Variants in PKHD1 observed in about 807,000 individuals in gnomAD.
The protein encoded by PKHD1 is PKHD1 ciliary IPT domain containing fibrocystin/polyductin.
In PKHD1, 291 loss-of-function variants were observed where a neutral mutation model predicts 412.0. The ratio of observed to expected loss-of-function variants is 0.71; its 90% CI spans 0.64 to 0.78. The LOEUF (loss-of-function observed/expected upper bound fraction) is 0.78, where lower values mean the gene tolerates loss of function less well. Among genes scored for constraint, PKHD1 ranks in the 30% least tolerant of loss-of-function variants. The pLI is 0.00. For synonymous variants in PKHD1, 1,777 were observed against 1,821.5 expected, an observed-to-expected ratio of 0.98 and a Z score of 0.62; for missense variants, 4,825 against 4,950.7, an observed-to-expected ratio of 0.97 and a Z score of 0.76.
chr6:52,073,327 G>A (rs1453706493), intron 7 of PKHD1, 136 bp downstream of exon 7: 7 of 761,252 alleles, frequency 9.2e-6, no homozygotes, highest in Admixed American at 8.8e-5. Flanking sequence ...AGCTCATGAG[G>A]GACCATAAAC....
intron 60 of PKHD1, among the ~76,000 whole-genome samples, chr6:51,708,741 A>G (rs909137542): frequency 6.6e-6 from 1 of 152,196 alleles, no homozygotes; most frequent in Non-Finnish European, 1.5e-5. Flanking sequence ...CTCAACCTCC[A>G]TATCACTTGC....
rs751691928 is a variant in PKHD1, at chr6:51,934,232, G to T, written c.5999C>A (p.Ser2000Tyr). ...TCTGCCTTGGAAGGGCTTGTCTTCG[G>T]ATCCAATCCGGAGCTCTCCACCATC... ...VSDGGELRIGSEDKPFQGRAQ... is the reference protein window; with the variant it reads ...VSDGGELRIGYEDKPFQGRAQ... The change falls in exon 37 of 67, where the codon TCC becomes TAC. Residue 2000 changes from serine to tyrosine, a missense_variant. Physicochemically the swap from Ser to Tyr is moderately radical, Grantham distance 144. Transcript: ENST00000371117. 4 of 1,613,634 alleles carry T rather than the reference G, an allele frequency of 2.5e-6. No individual in the cohort carries two copies. In the African/African-American group the frequency reaches 4.0e-5, roughly 16 times the overall value.
chr6:51,646,821 G>A (rs1770139686), intron 63 of PKHD1, among the ~76,000 whole-genome samples: 1 of 152,114 alleles, frequency 6.6e-6, no homozygotes, highest in Admixed American at 6.5e-5. Context: ...TCCCTTGCCT[G>A]GCCTTTTGCA....
At chr6:51,758,082 A>C (rs1035539472) in intron 55 of PKHD1, among the ~76,000 whole-genome samples, 5 of 151,370 alleles carry the variant, frequency 3.3e-5, no homozygotes, top group African/African-American at 9.7e-5. Context: ...AAAAATCACT[A>C]TCTAAACCCC....
chr6:51,951,466 G>T (rs550951098), intron 36 of PKHD1, among the ~76,000 whole-genome samples: 3 of 151,970 alleles, frequency 2.0e-5, no homozygotes, highest in Admixed American at 6.6e-5. Context: ...TCTCATTTTT[G>T]ACCAGCCTGC....
At chr6:51,731,926 T>C (rs1783286804) in intron 60 of PKHD1, among the ~76,000 whole-genome samples, 2 of 152,186 alleles carry the variant, frequency 1.3e-5, no homozygotes, top group African/African-American at 4.8e-5. Context: ...AATGTTTATA[T>C]GTGATTCTAC....
intron 60 of PKHD1, among the ~76,000 whole-genome samples, chr6:51,733,397 G>A (rs139248929): frequency 0.01 from 1,558 of 151,894 alleles, 24 homozygotes; most frequent in African/African-American, 0.035. Flanking sequence ...AAAATTAGCC[G>A]GGCGTGGTGG....
chr6:52,084,661 G>T (rs1812500294), intron 2 of PKHD1, among the ~76,000 whole-genome samples: 1 of 152,074 alleles, frequency 6.6e-6, no homozygotes, highest in Non-Finnish European at 1.5e-5. Context: ...CTGTTAAACA[G>T]AAAATAAAAA....
Position 51,903,784 on chromosome 6 carries a change from A to G in PKHD1, c.6866-57T>C, listed in dbSNP as rs528952105. 15 of 1,395,864 alleles carry G rather than the reference A, an allele frequency of 1.1e-5. No individual in the cohort carries two copies. The East Asian group carries it at 3.3e-4, about 31-fold the overall frequency. The allele number at this position is 1,395,864 out of a possible 1,614,324, so 86.5% of individuals were successfully genotyped here. ...AACATAATTAAAATGTACTCAACTC[A>G]ACACCCTTGATTCTACTAATACACA... On this transcript the variant is annotated intron_variant, in intron 42 of 66. Coordinates refer to ENST00000371117, the MANE Select transcript of PKHD1 (RefSeq NM_138694.4).
chr6:52,073,230 T>G (rs1014046995), intron 7 of PKHD1, among the ~76,000 whole-genome samples: 2 of 152,230 alleles, frequency 1.3e-5, no homozygotes, highest in Non-Finnish European at 2.9e-5. Context: ...CATTTCACAC[T>G]GAGCCCAGAG....
Position 51,904,008 on chromosome 6 carries a change from C to T in PKHD1, c.6843G>A (p.Glu2281=). The T allele has an allele frequency of 6.3e-7, 1 of 1,593,022 alleles. No individual in the cohort carries two copies. The highest frequency in any genetic ancestry group is 8.6e-7 in the Non-Finnish European group (1 of 1,161,210). Residue 2281 remains glutamate, a synonymous_variant, in exon 42 of 67, where the codon GAG becomes GAA. Transcript: ENST00000371117. ...TACCATCTTTCCTTCCATGAATTGC[C>T]TCCCAGGAGATATATCTCATCTCCG... ...TCTEMRYISW[E]AIHGRKDDWS...
chr6:51,649,889 G>A (rs1770661674), intron 61 of PKHD1, among the ~76,000 whole-genome samples: 1 of 152,142 alleles, frequency 6.6e-6, no homozygotes, highest in South Asian at 2.1e-4. Flanking sequence ...AGCATCTGAG[G>A]AGAATAATAT....
At chr6:51,895,566 A>C (rs1779778518) in intron 43 of PKHD1, among the ~76,000 whole-genome samples, 1 of 152,224 alleles carries the variant, frequency 6.6e-6, no homozygotes, top group Non-Finnish European at 1.5e-5. Context: ...CGTTATATTA[A>C]ATACATTTTT....
chr6:51,690,443 A>G (rs72899350), intron 60 of PKHD1, among the ~76,000 whole-genome samples: 5,124 of 152,280 alleles, frequency 0.034, 151 homozygotes, highest in East Asian at 0.12. Context: ...TAATCAAAAC[A>G]GCATAGTACT....
At chr6:51,621,198 C>T (rs1766571694) in intron 66 of PKHD1, among the ~76,000 whole-genome samples, 1 of 152,128 alleles carries the variant, frequency 6.6e-6, no homozygotes, top group African/African-American at 2.4e-5. Context: ...AATTTGAGTT[C>T]CTTCAAGGAA....
At chr6:51,722,120 A>T in intron 60 of PKHD1, 2 of 1,593,126 alleles carry the variant, frequency 1.3e-6, no homozygotes, top group Non-Finnish European at 1.7e-6. Flanking sequence ...ATTGCATCCA[A>T]ATGAAAATAC....
chr6:51,806,345 T>C (rs1409476408), intron 52 of PKHD1, among the ~76,000 whole-genome samples: 2 of 151,962 alleles, frequency 1.3e-5, no homozygotes, highest in Non-Finnish European at 2.9e-5. Context: ...ATAGCCAGGA[T>C]TGGATAAAGT....
chr6:52,029,701 G>A (rs767787483), intron 29 of PKHD1, among the ~76,000 whole-genome samples: 1 of 152,182 alleles, frequency 6.6e-6, no homozygotes, highest in Non-Finnish European at 1.5e-5. Flanking sequence ...TCACCCAGTG[G>A]CTTGGAGAGG....
intron 60 of PKHD1, among the ~76,000 whole-genome samples, chr6:51,728,650 C>T (rs75862394): frequency 0.044 from 6,722 of 152,262 alleles, 205 homozygotes; most frequent in East Asian, 0.096. Context: ...GAAACACAAT[C>T]CTGCCATTAC....
Sources: gnomAD v4.1 joint callset for allele counts (sites outside exome capture counted in the v4.1 genomes callset) on GRCh38, gnomAD v4.1.1 for gene constraint, MANE v1.5 for transcripts, NCBI Gene and HGNC (gene_info 2026-07-23, HGNC 2026-07-21) for gene names.